CUX1: variants seen among roughly 807,000 people sequenced by gnomAD.
The protein encoded by CUX1 is cut like homeobox 1.
CUX1 carries 31 observed loss-of-function variants against 158.8 expected under a neutral mutation model. The ratio of observed to expected loss-of-function variants is 0.20; its 90% CI spans 0.15 to 0.26. The LOEUF (loss-of-function observed/expected upper bound fraction) is 0.26, where lower values mean the gene tolerates loss of function less well. Ranked by LOEUF, CUX1 falls within the 10% of genes least tolerant of loss-of-function variation. CUX1 has a pLI of 1.00. For missense variants in CUX1, 1,589 were observed against 2,014.6 expected, an observed-to-expected ratio of 0.79 and a Z score of 4.04; for synonymous variants, 879 against 862.1, an observed-to-expected ratio of 1.02 and a Z score of -0.34.
At chr7:101,859,410 C>G (rs1166637151) in intron 1 of CUX1, among the ~76,000 whole-genome samples, 1 of 152,174 alleles carries the variant, frequency 6.6e-6, no homozygotes, top group African/African-American at 2.4e-5. Flanking sequence ...CAAATTGCTT[C>G]CTTAACATTT....
intron 1 of CUX1, among the ~76,000 whole-genome samples, chr7:101,860,504 T>G (rs1412639594): frequency 6.6e-6 from 1 of 152,172 alleles, no homozygotes; most frequent in Non-Finnish European, 1.5e-5. Context: ...TGATGCTCTG[T>G]GGGGTCCCAG....
intron 4 of CUX1, among the ~76,000 whole-genome samples, chr7:102,071,190 C>A (rs1200559751): frequency 2.0e-5 from 3 of 152,192 alleles, no homozygotes; most frequent in Non-Finnish European, 4.4e-5. Flanking sequence ...AACTCCTGGG[C>A]TCAAGCTATC....
At chr7:102,010,670 G>C (rs932827010) in intron 2 of CUX1, among the ~76,000 whole-genome samples, 2 of 152,226 alleles carry the variant, frequency 1.3e-5, no homozygotes, top group Non-Finnish European at 2.9e-5. Context: ...ACATGCATGT[G>C]TGGCACATTT....
At chr7:101,998,778 T>C (rs1021049877) in intron 2 of CUX1, among the ~76,000 whole-genome samples, 4 of 152,200 alleles carry the variant, frequency 2.6e-5, no homozygotes, top group Non-Finnish European at 5.9e-5. Flanking sequence ...CTGTGCTGTG[T>C]TGGGCAGGAA....
At chr7:102,174,112 TTTTG>T (rs1305398257) in intron 10 of CUX1, among the ~76,000 whole-genome samples, 5 of 151,810 alleles carry the variant, frequency 3.3e-5, no homozygotes, top group African/African-American at 7.3e-5. Context: ...CTTTGCATAG[TTTTG>T]TTTGTTTGTT....
At chr7:101,842,242 C>T (rs1409811840) in intron 1 of CUX1, among the ~76,000 whole-genome samples, 2 of 152,098 alleles carry the variant, frequency 1.3e-5, no homozygotes, top group East Asian at 3.9e-4. Flanking sequence ...TCCATATGTG[C>T]TCAAAAAGAA....
intron 2 of CUX1, among the ~76,000 whole-genome samples, chr7:101,995,544 C>G (rs887073501): frequency 1.3e-5 from 2 of 152,250 alleles, no homozygotes; most frequent in Non-Finnish European, 2.9e-5. Flanking sequence ...TAGCAATGTA[C>G]TTGGGAAATA....
chr7:101,863,609 C>T (rs1461361829), intron 1 of CUX1, among the ~76,000 whole-genome samples: 3 of 152,206 alleles, frequency 2.0e-5, no homozygotes, highest in African/African-American at 7.2e-5. Flanking sequence ...CCTCGGCCTC[C>T]CACAGTGTGG....
intron 7 of CUX1, among the ~76,000 whole-genome samples, chr7:102,114,510 C>T (rs781959352): frequency 1.3e-5 from 2 of 152,214 alleles, no homozygotes; most frequent in Non-Finnish European, 2.9e-5. Context: ...CTCCTGACCT[C>T]AGGTGATCTG....
chr7:102,086,525 T>C (rs2130799919), intron 4 of CUX1, among the ~76,000 whole-genome samples: 1 of 152,226 alleles, frequency 6.6e-6, no homozygotes, highest in African/African-American at 2.4e-5. Context: ...AAGTGAGCTC[T>C]GTTTAGTTAG....
intron 14 of CUX1, 86 bp downstream of exon 14, chr7:102,195,689 G>A (rs1465022667): frequency 2.4e-6 from 3 of 1,238,652 alleles, no homozygotes; most frequent in Admixed American, 4.5e-5. Flanking sequence ...TCGTGAGTCT[G>A]GACAGATGCA....
chr7:102,069,060 G>A (rs1160238007), intron 3 of CUX1, among the ~76,000 whole-genome samples: 1 of 152,042 alleles, frequency 6.6e-6, no homozygotes, highest in African/African-American at 2.4e-5. Flanking sequence ...GGTTCTTCTG[G>A]GCCTCACGTC....
At chr7:101,898,808 C>G (rs1250866782) in intron 1 of CUX1, among the ~76,000 whole-genome samples, 2 of 152,194 alleles carry the variant, frequency 1.3e-5, no homozygotes, top group Non-Finnish European at 2.9e-5. Context: ...CCAGGCCAGT[C>G]TCGAACTCCT....
intron 1 of CUX1, among the ~76,000 whole-genome samples, chr7:101,887,091 G>T (rs1367348795): frequency 6.6e-6 from 1 of 152,174 alleles, no homozygotes; most frequent in African/African-American, 2.4e-5. Context: ...GCCGGACACT[G>T]CTGGGCGTTG....
At chr7:102,204,741 C>T (rs1022395170) in intron 19 of CUX1, among the ~76,000 whole-genome samples, 185 bp downstream of exon 19, 8 of 152,206 alleles carry the variant, frequency 5.3e-5, no homozygotes, top group Non-Finnish European at 7.3e-5. Flanking sequence ...AACCTGTTGC[C>T]GTGGGACTGA....
intron 1 of CUX1, among the ~76,000 whole-genome samples, chr7:101,876,708 A>T (rs1041769614): frequency 3.3e-5 from 5 of 152,264 alleles, no homozygotes; most frequent in Non-Finnish European, 5.9e-5. Flanking sequence ...AAAAAAGAAA[A>T]ATGAAAAAGA....
chr7:102,022,033 G>A (rs1819433591), intron 2 of CUX1, among the ~76,000 whole-genome samples: 1 of 152,120 alleles, frequency 6.6e-6, no homozygotes, highest in African/African-American at 2.4e-5. Context: ...TGGGTCCCTG[G>A]CACGCGACTC....
chr7:102,198,399 G>T (rs1197613904), intron 15 of CUX1, among the ~76,000 whole-genome samples: 1 of 152,256 alleles, frequency 6.6e-6, no homozygotes, highest in East Asian at 1.9e-4. Flanking sequence ...AGAGCAGGGA[G>T]ATGTTTTGAA....
chr7:102,017,986 T>C (rs564817234), intron 2 of CUX1, among the ~76,000 whole-genome samples: 1 of 152,346 alleles, frequency 6.6e-6, no homozygotes, highest in South Asian at 2.1e-4. Flanking sequence ...AGATGAAGTC[T>C]TGCTCTGTCA....
Sources: gnomAD v4.1 joint callset for allele counts (sites outside exome capture counted in the v4.1 genomes callset) on GRCh38, gnomAD v4.1.1 for gene constraint, MANE v1.5 for transcripts, NCBI Gene and HGNC (gene_info 2026-07-23, HGNC 2026-07-21) for gene names.